Variants in DNAI3 observed in about 807,000 individuals in gnomAD.
DNAI3 encodes the protein WD repeat domain 63.
DNAI3 carries 83 observed loss-of-function variants against 115.5 expected under a neutral mutation model. The ratio of observed to expected loss-of-function variants is 0.72; its 90% CI spans 0.60 to 0.86. The LOEUF is 0.86. Among genes scored for constraint, DNAI3 ranks in the 40% least tolerant of loss-of-function variants. DNAI3 has a pLI of 0.00. For missense variants in DNAI3, 1,004 were observed against 1,075.8 expected, an observed-to-expected ratio of 0.93 and a Z score of 0.93; for synonymous variants, 320 against 347.0, an observed-to-expected ratio of 0.92 and a Z score of 0.86.
chr1:85,126,824 TCCTGCTCATC>T (rs1309994309), intron 20 of DNAI3, 109 bp downstream of exon 20: 1 of 1,122,344 alleles, frequency 8.9e-7, no homozygotes, highest in Non-Finnish European at 1.3e-6. Flanking sequence ...TTGTTTTTCT[TCCTGCTCATC>T]CCTTCTTATC....
At chr1:85,084,513 A>T (rs753219967) in intron 5 of DNAI3, 33 bp from the exon 6 acceptor site, 3 of 1,328,534 alleles carry the variant, frequency 2.3e-6, no homozygotes, top group Admixed American at 3.0e-5. Context: ...AAACTTGGGC[A>T]TACATTGTAG....
chr1:85,073,652 G>C (rs916095084), intron 3 of DNAI3, among the ~76,000 whole-genome samples: 2 of 152,138 alleles, frequency 1.3e-5, no homozygotes, highest in East Asian at 3.9e-4. Context: ...CAATGAGGGG[G>C]GCAAGGAGGA....
chr1:85,099,762 G>A (rs1189983761), intron 13 of DNAI3, among the ~76,000 whole-genome samples: 1 of 152,148 alleles, frequency 6.6e-6, no homozygotes, highest in Non-Finnish European at 1.5e-5. Flanking sequence ...TGGTACTGGT[G>A]CCAAAACAGA....
chr1:85,129,729 G>C (rs1463761266), intron 21 of DNAI3, among the ~76,000 whole-genome samples: 1 of 152,112 alleles, frequency 6.6e-6, no homozygotes, highest in Non-Finnish European at 1.5e-5. Flanking sequence ...AGTAGCCCCT[G>C]AATTGTACCA....
chr1:85,128,143 A>G (rs1168676630), intron 20 of DNAI3, among the ~76,000 whole-genome samples: 1 of 144,040 alleles, frequency 6.9e-6, no homozygotes, highest in African/African-American at 2.7e-5. Context: ...AAAAAAAAAA[A>G]AAAAAAAGAA....
intron 16 of DNAI3, among the ~76,000 whole-genome samples, chr1:85,116,686 A>G (rs191743559): frequency 1.9e-4 from 29 of 152,324 alleles, no homozygotes; most frequent in Admixed American, 1.9e-3. Flanking sequence ...TATAAATAAT[A>G]TCTTTTAATG....
At chr1:85,088,506 A>G (rs1408899488) in intron 7 of DNAI3, among the ~76,000 whole-genome samples, 1 of 152,196 alleles carries the variant, frequency 6.6e-6, no homozygotes, top group African/African-American at 2.4e-5. Flanking sequence ...GAGTCAAGAA[A>G]AATCAAAGAT....
Position 85,132,996 on chromosome 1 carries a change from T to TA in DNAI3, c.*4dup, listed in dbSNP as rs145165915. 0.063 allele frequency: 101,068 copies of TA among 1,607,018 alleles called. 3,458 individuals carry two copies. The highest frequency in any genetic ancestry group is 0.13 in the East Asian group (5,624 of 44,662). Residue 892 remains the stop codon, a frameshift_variant and stop_retained_variant, in exon 23 of 23, where the codon TAA becomes TAAA. Transcript: ENST00000294664. LOFTEE classifies it high-confidence loss of function. The stretch of plus-strand genomic sequence containing the variant: ...GAAGGGGTCATACATGGAGGTGATG[T>TA]AAAAAAGCTTCCTGAAGGGGTGTTT... ...TEKGSYMEVM[*]
At position 85,112,008 on chromosome 1, in the gene DNAI3, A is replaced by G. The variant is rs541082637; in HGVS notation, c.1786+1873A>G. Among the ~76,000 whole-genome samples, 9 of 152,096 alleles carry G rather than the reference A, an allele frequency of 5.9e-5. 1 individual carries two copies. The highest frequency in any genetic ancestry group is 5.9e-4 in the Admixed American group (9 of 15,280). On this transcript the variant is annotated intron_variant, in intron 16 of 22. Coordinates refer to ENST00000294664, the MANE Select transcript of DNAI3 (RefSeq NM_145172.5). ...ACGGATCTACTTTCTGTCACTATAC[A>G]TTAGTTTTCATTATCTAGAATTTTA...
At chr1:85,119,228 A>G (rs1036728012) in intron 17 of DNAI3, among the ~76,000 whole-genome samples, 13 of 152,206 alleles carry the variant, frequency 8.5e-5, no homozygotes, top group African/African-American at 2.9e-4. Flanking sequence ...GAGTTCAATA[A>G]TCTGTTGGAA....
intron 16 of DNAI3, among the ~76,000 whole-genome samples, chr1:85,116,201 G>T (rs1655811477): frequency 6.6e-6 from 1 of 152,130 alleles, no homozygotes; most frequent in Admixed American, 6.5e-5. Flanking sequence ...TTCTCCATCT[G>T]ACTCTTGCTG....
chr1:85,085,406 C>A (rs1459076401), intron 6 of DNAI3, among the ~76,000 whole-genome samples: 1 of 152,152 alleles, frequency 6.6e-6, no homozygotes, highest in Non-Finnish European at 1.5e-5. Context: ...GAGAACATGA[C>A]AAGCGCTGAA....
chr1:85,120,737 TC>T (rs1444806391), intron 17 of DNAI3, among the ~76,000 whole-genome samples: 4 of 152,174 alleles, frequency 2.6e-5, no homozygotes, highest in Non-Finnish European at 4.4e-5. Context: ...CATGTACCCA[TC>T]TGTCTGCTTC....
At chr1:85,103,876 G>T (rs532765405) in intron 13 of DNAI3, among the ~76,000 whole-genome samples, 3 of 138,376 alleles carry the variant, frequency 2.2e-5, no homozygotes, top group African/African-American at 8.0e-5. Flanking sequence ...CACAGAATGA[G>T]ATGCCTTCTC....
At position 85,082,264 on chromosome 1, in the gene DNAI3, G is replaced by A. The variant is rs763048125; in HGVS notation, c.286-36G>A. The stretch of plus-strand genomic sequence containing the variant: ...CATCAAAATAAACTGAATGACCATT[G>A]AACATTAACTTCCTATCTCAATTAT... On this transcript the variant is annotated intron_variant, in intron 4 of 22. Transcript: ENST00000294664. 4 of 1,524,094 alleles carry A rather than the reference G, an allele frequency of 2.6e-6. No homozygotes were observed. The South Asian group carries it at 4.6e-5, about 18-fold the overall frequency. 94.4% of individuals were successfully genotyped at this position (1,524,094 alleles called of 1,614,324 possible).
intron 18 of DNAI3, among the ~76,000 whole-genome samples, chr1:85,122,742 A>G (rs1656027657): frequency 6.6e-6 from 1 of 152,176 alleles, no homozygotes; most frequent in Non-Finnish European, 1.5e-5. Flanking sequence ...CTCTAAGAAC[A>G]TAGCAATTAA....
chr1:85,130,455 G>T (rs1217479102), intron 22 of DNAI3, among the ~76,000 whole-genome samples: 2 of 152,178 alleles, frequency 1.3e-5, no homozygotes, highest in Admixed American at 6.5e-5. Flanking sequence ...ATGGAATCAA[G>T]ACACGTGGGC....
chr1:85,095,814 C>T (rs1334580218), intron 10 of DNAI3, 117 bp from the exon 11 acceptor site: 22 of 955,746 alleles, frequency 2.3e-5, no homozygotes, highest in African/African-American at 6.5e-5. Flanking sequence ...AGACTCTCTA[C>T]GCACCTTGCT....
chr1:85,094,578 A>C, intron 10 of DNAI3, 23 bp downstream of exon 10: 1 of 1,610,004 alleles, frequency 6.2e-7, no homozygotes, highest in Non-Finnish European at 8.5e-7. Flanking sequence ...AGTTGCCTAC[A>C]TAGCCTAAAT....
Sources: allele counts gnomAD v4.1 joint callset (sites outside exome capture counted in the v4.1 genomes callset), GRCh38; gene constraint gnomAD v4.1.1; transcripts MANE v1.5; gene names NCBI Gene and HGNC (gene_info 2026-07-23, HGNC 2026-07-21).